B4GALT5: variants seen among roughly 807,000 people sequenced by gnomAD.
B4GALT5 encodes the protein UDP-Gal:beta-GlcNAc beta-1,4-galactosyltransferase 5.
In B4GALT5, 11 loss-of-function variants were observed where a neutral mutation model predicts 45.0. The observed-to-expected ratio is 0.24, with a 90% CI of 0.15 to 0.40. B4GALT5 has a LOEUF of 0.40. Ranked by LOEUF, B4GALT5 falls within the 10% of genes least tolerant of loss-of-function variation. The probability of loss-of-function intolerance (pLI) is 1.00; values close to 1 mark genes in which losing one functional copy is unlikely to be tolerated. For synonymous variants in B4GALT5, 185 were observed against 182.9 expected (o/e 1.01, Z -0.09); for missense variants, 337 against 500.2 (o/e 0.67, Z 3.11).
chr20:49,686,030 G>T (rs1248089080), intron 1 of B4GALT5, among the ~76,000 whole-genome samples: 1 of 152,142 alleles, frequency 6.6e-6, no homozygotes, highest in African/African-American at 2.4e-5. Context: ...AGGCATGATG[G>T]GAAGGGAGTA....
intron 1 of B4GALT5, among the ~76,000 whole-genome samples, chr20:49,669,912 A>G (rs758636994): frequency 1.8e-4 from 27 of 152,154 alleles, no homozygotes; most frequent in Non-Finnish European, 3.5e-4. Flanking sequence ...CTATTTGCAA[A>G]TTCAACAATA....
intron 6 of B4GALT5, 109 bp from the exon 7 acceptor site, chr20:49,639,909 G>A: frequency 7.1e-7 from 1 of 1,409,128 alleles, no homozygotes; most frequent in African/African-American, 1.4e-5. Context: ...CTCCTGACCT[G>A]AACCATATGA....
chr20:49,646,777 G>A (rs964910617), intron 3 of B4GALT5, among the ~76,000 whole-genome samples, 188 bp downstream of exon 3: 14 of 152,168 alleles, frequency 9.2e-5, no homozygotes, highest in African/African-American at 3.4e-4. Flanking sequence ...GGTAGAAAAT[G>A]GCACCCAAGA....
intron 1 of B4GALT5, among the ~76,000 whole-genome samples, chr20:49,690,115 T>C (rs2085803963): frequency 6.6e-6 from 1 of 151,850 alleles, no homozygotes; most frequent in Admixed American, 6.6e-5. Context: ...GCAATTCTCC[T>C]GCCTCAATCT....
At chr20:49,688,651 T>C (rs1473171479) in intron 1 of B4GALT5, among the ~76,000 whole-genome samples, 1 of 151,744 alleles carries the variant, frequency 6.6e-6, no homozygotes, top group Non-Finnish European at 1.5e-5. Context: ...ACAAAATGAG[T>C]GTCAAGGCCG....
At chr20:49,640,435 C>T in intron 6 of B4GALT5, 43 bp downstream of exon 6, 1 of 1,490,706 alleles carries the variant, frequency 6.7e-7, no homozygotes, top group Non-Finnish European at 8.9e-7. Flanking sequence ...GCTCACCATC[C>T]TTTCAGATTT....
In B4GALT5 at chr20:49,661,683, T is replaced by G. The variant is rs149453882; in HGVS notation, c.116-4981A>C. 2.7e-3 allele frequency among the ~76,000 whole-genome samples: 408 copies of G among 152,354 alleles called. 2 individuals are homozygous for G. Among genetic ancestry groups the G allele is most frequent in the African/African-American group, 9.3e-3 (385 of 41,582 alleles). ...AGTCTCTACTGAGCACCTCCTTCAC[T>G]GTGTGCTTTTCAGGCACCGTACGAG... On this transcript the variant is annotated intron_variant, in intron 1 of 8. Transcript: ENST00000371711.
At chr20:49,670,358 T>G (rs915787253) in intron 1 of B4GALT5, among the ~76,000 whole-genome samples, 36 of 152,246 alleles carry the variant, frequency 2.4e-4, no homozygotes, top group East Asian at 2.1e-3. Context: ...CCTGCTTTGC[T>G]GTTAGGGAGT....
chr20:49,681,416 C>G (rs962357120), intron 1 of B4GALT5, among the ~76,000 whole-genome samples: 5 of 151,832 alleles, frequency 3.3e-5, no homozygotes, highest in Non-Finnish European at 7.4e-5. Flanking sequence ...TTTAATGCTG[C>G]AGATCCCCAA....
At chr20:49,708,650 T>C (rs2085894785) in intron 1 of B4GALT5, among the ~76,000 whole-genome samples, 1 of 152,146 alleles carries the variant, frequency 6.6e-6, no homozygotes, top group East Asian at 1.9e-4. Flanking sequence ...AGAATTTCAA[T>C]TAATAAAATG....
At chr20:49,660,216 G>A (rs982674156) in intron 1 of B4GALT5, among the ~76,000 whole-genome samples, 15 of 152,172 alleles carry the variant, frequency 9.9e-5, no homozygotes, top group South Asian at 4.1e-4. Flanking sequence ...CCACACTAAC[G>A]GAGTTGTCCA....
intron 3 of B4GALT5, among the ~76,000 whole-genome samples, chr20:49,643,959 C>T (rs1246622142): frequency 7.8e-6 from 1 of 128,902 alleles, no homozygotes; most frequent in Non-Finnish European, 1.6e-5. Context: ...GAGACAGTCT[C>T]GCTCTGTTGC....
chr20:49,643,542 C>T lies in B4GALT5; in HGVS notation c.473G>A (p.Cys158Tyr), dbSNP rs1478844965. 1 of 1,613,890 alleles carries T rather than the reference C, an allele frequency of 6.2e-7. No homozygotes were observed. Among genetic ancestry groups the T allele is most frequent in the Non-Finnish European group, 8.5e-7 (1 of 1,179,890 alleles). Reference sequence around the variant, plus strand: ...ACACCCTACCTTCCACCGAGGCATGCAATCAGAAGGCTTCCAGTGACCTCC... The same window carrying T: ...ACACCCTACCTTCCACCGAGGCATGTAATCAGAAGGCTTCCAGTGACCTCC... The part of the protein sequence containing the change: ...KLGGHWKPSD[C>Y]MPRWKVAILI... Residue 158 changes from cysteine to tyrosine, a missense_variant, in exon 4 of 9, where the codon TGC becomes TAC. Cys to Tyr is a radical substitution (Grantham distance 194). This residue lies in a region of B4GALT5 where 174 missense variants were observed against 207.4 expected (regional missense o/e 0.84). Coordinates refer to ENST00000371711, the MANE Select transcript of B4GALT5 (RefSeq NM_004776.4).
At chr20:49,687,191 TCAA>T (rs2085789776) in intron 1 of B4GALT5, among the ~76,000 whole-genome samples, 1 of 152,136 alleles carries the variant, frequency 6.6e-6, no homozygotes, top group African/African-American at 2.4e-5. Context: ...CAGGACAGCC[TCAA>T]CAACAAAGCA....
intron 7 of B4GALT5, 95 bp downstream of exon 7, chr20:49,639,583 T>C: frequency 6.6e-7 from 1 of 1,506,734 alleles, no homozygotes; most frequent in African/African-American, 1.4e-5. Context: ...CATGTTAAAT[T>C]ACACACATGG....
At chr20:49,637,241 C>T (rs902369387) in intron 8 of B4GALT5, 100 bp downstream of exon 8, 3 of 1,030,800 alleles carry the variant, frequency 2.9e-6, no homozygotes, top group South Asian at 1.3e-5. Flanking sequence ...AACAGGGCCT[C>T]GGGGTGGGGA....
chr20:49,645,552 C>A (rs2085595405), intron 3 of B4GALT5, among the ~76,000 whole-genome samples: 1 of 152,088 alleles, frequency 6.6e-6, no homozygotes, highest in African/African-American at 2.4e-5. Context: ...AGTTCAAGAC[C>A]AGCCTGGCCA....
At position 49,636,236 on chromosome 20, in the gene B4GALT5, T is replaced by TC. The variant is rs1402947754; in HGVS notation, c.*75dup. The TC allele has an allele frequency of 1.3e-6, 2 of 1,541,298 alleles. No homozygotes were observed. The highest frequency in any genetic ancestry group is 8.9e-7 in the Non-Finnish European group (1 of 1,127,822). On this transcript the variant is annotated 3_prime_UTR_variant, in exon 9 of 9. Transcript: ENST00000371711. ...TTCTGTTCTCTTGCTGTGTAGACCC[T>TC]CCCCCCTCCAAAAAAAAATCTCATC...
rs886373727 is a variant in B4GALT5, at chr20:49,700,790, G to GA, written c.115+12785dup. Among the ~76,000 whole-genome samples, 9 of 152,336 alleles carry GA rather than the reference G, an allele frequency of 5.9e-5. No homozygotes were observed. In the East Asian group the frequency reaches 7.7e-4, roughly 13 times the overall value. On this transcript the variant is annotated intron_variant, in intron 1 of 8. Transcript: ENST00000371711. ...ACAAAGGGGGACAGAGCAGGATGGT[G>GA]AAAGATTTCATCACGCCACTCAGAA...
Sources: allele counts gnomAD v4.1 joint callset (sites outside exome capture counted in the v4.1 genomes callset), GRCh38; gene constraint gnomAD v4.1.1; regional missense constraint gnomAD v4.1.1; transcripts MANE v1.5; gene names NCBI Gene and HGNC (gene_info 2026-07-23, HGNC 2026-07-21).